Variants in MTMR2 observed in about 807,000 individuals in gnomAD.
MTMR2 encodes the protein phosphatidylinositol-3,5-bisphosphate 3-phosphatase MTMR2.
MTMR2 carries 55 observed loss-of-function variants against 86.9 expected under a neutral mutation model. The ratio of observed to expected loss-of-function variants is 0.63; its 90% CI spans 0.51 to 0.79. The LOEUF (loss-of-function observed/expected upper bound fraction) is 0.79, where lower values mean the gene tolerates loss of function less well. Ranked by LOEUF, MTMR2 falls within the 30% of genes least tolerant of loss-of-function variation. MTMR2 has a pLI of 0.00. For missense variants in MTMR2, 659 were observed against 772.3 expected, an observed-to-expected ratio of 0.85 and a Z score of 1.74; for synonymous variants, 241 against 266.8, an observed-to-expected ratio of 0.90 and a Z score of 0.94.
intron 5 of MTMR2, among the ~76,000 whole-genome samples, chr11:95,859,237 T>A (rs1398438784): frequency 6.6e-6 from 1 of 152,212 alleles, no homozygotes; most frequent in Non-Finnish European, 1.5e-5. Flanking sequence ...TTCCACCATC[T>A]ACTGACACAT....
intron 7 of MTMR2, among the ~76,000 whole-genome samples, chr11:95,852,217 T>C (rs1864048074): frequency 6.6e-6 from 1 of 152,198 alleles, no homozygotes; most frequent in South Asian, 2.1e-4. Flanking sequence ...TTAACTTCAT[T>C]TCATAGATAA....
intron 12 of MTMR2, among the ~76,000 whole-genome samples, chr11:95,839,446 T>G (rs1022196529): frequency 9.2e-5 from 14 of 152,132 alleles, no homozygotes; most frequent in African/African-American, 3.1e-4. Context: ...AGCCTGCGAT[T>G]AGTTTTTCAT....
chr11:95,914,517 T>C (rs1425431163), intron 1 of MTMR2, among the ~76,000 whole-genome samples: 1 of 151,980 alleles, frequency 6.6e-6, no homozygotes, highest in Non-Finnish European at 1.5e-5. Flanking sequence ...CTCTTAATCA[T>C]CAGGTAATGA....
chr11:95,876,271 C>T lies in MTMR2; in HGVS notation c.187-10595G>A, dbSNP rs141249239. On this transcript the variant is annotated intron_variant, in intron 2 of 14. Coordinates refer to ENST00000346299, the MANE Select transcript of MTMR2 (RefSeq NM_016156.6). ...ACCCAGTTTGAGCTTCCGAACCTAT[C>T]TTCTTAAAATGGTGGTTGGGAACCA... Among the ~76,000 whole-genome samples, 25 of 152,236 alleles carry T rather than the reference C, an allele frequency of 1.6e-4. No homozygotes were observed. The East Asian group carries it at 4.8e-3, about 29-fold the overall frequency.
chr11:95,847,714 C>G lies in MTMR2; in HGVS notation c.1179G>C (p.Lys393Asn), dbSNP rs527341607. ...TTGGGATATAGTAACACACACCCAC[C>G]TTAATATGTTCTAGCCAATGAGTAG... ...LESTHWLEHI[K>N]LILAGALRIA... is the part of the protein sequence containing the mutation. The change falls in exon 10 of 15, where the codon AAG (lysine) becomes AAC (asparagine). Residue 393 changes from lysine (K) to asparagine (N), a missense_variant and splice_region_variant. Coordinates refer to ENST00000346299, the MANE Select transcript of MTMR2 (RefSeq NM_016156.6). 1 of 1,610,858 alleles carries G rather than the reference C, an allele frequency of 6.2e-7. No homozygotes were observed. The highest frequency in any genetic ancestry group is 1.1e-5 in the South Asian group (1 of 91,024).
Position 95,877,331 on chromosome 11 carries a change from C to CTTTTTTTTTTTTTTTTTTTTTTTT in MTMR2, c.186+10824_186+10825insAAAAAAAAAAAAAAAAAAAAAAAA, listed in dbSNP as rs1565368414. 1.1e-4 allele frequency among the ~76,000 whole-genome samples: 10 copies of CTTTTTTTTTTTTTTTTTTTTTTTT among 94,718 alleles called. 4 individuals are homozygous for CTTTTTTTTTTTTTTTTTTTTTTTT. The highest frequency in any genetic ancestry group is 3.5e-4 in the African/African-American group (7 of 20,154). The allele number at this position is 94,718 out of a possible 152,430, so 62.1% of individuals were successfully genotyped here. ...CATTCAAGATCAAGCACAGGGAAGC[C>CTTTTTTTTTTTTTTTTTTTTTTTT]CTTTTTTTTTTTTTTTTTTTTTTTT... On this transcript the variant is annotated intron_variant, in intron 2 of 14. Transcript: ENST00000346299.
At chr11:95,920,311 T>C (rs963722232) in intron 1 of MTMR2, among the ~76,000 whole-genome samples, 15 of 152,084 alleles carry the variant, frequency 9.9e-5, no homozygotes, top group African/African-American at 3.6e-4. Flanking sequence ...ACTATTGTTT[T>C]TTTTGTTTTT....
chr11:95,868,598 AT>A (rs1743215257), intron 2 of MTMR2, among the ~76,000 whole-genome samples: 1 of 152,046 alleles, frequency 6.6e-6, no homozygotes, highest in Non-Finnish European at 1.5e-5. Flanking sequence ...GAAAAAAAAA[AT>A]AATCAAGAGG....
chr11:95,836,518 C>A lies in MTMR2; in HGVS notation c.1594-194G>T, dbSNP rs575269831. ...CAGTATGCAGTTCCTCAAAGAGATA[C>A]CATATGACCCAACAATTCCACTCTT... On this transcript the variant is annotated intron_variant, in intron 13 of 14. Coordinates refer to ENST00000346299, the MANE Select transcript of MTMR2 (RefSeq NM_016156.6). Among the ~76,000 whole-genome samples, 18 of 152,034 alleles carry A rather than the reference C, an allele frequency of 1.2e-4. No homozygotes were observed. The East Asian group carries it at 2.7e-3, about 23-fold the overall frequency.
chr11:95,851,893 C>T (rs1207639499), intron 7 of MTMR2, among the ~76,000 whole-genome samples: 1 of 152,132 alleles, frequency 6.6e-6, no homozygotes, highest in Non-Finnish European at 1.5e-5. Flanking sequence ...TTTTAAAAAA[C>T]ATATCAACTA....
intron 12 of MTMR2, among the ~76,000 whole-genome samples, chr11:95,841,288 C>T (rs761767341): frequency 6.6e-5 from 10 of 151,812 alleles, no homozygotes; most frequent in South Asian, 4.1e-4. Context: ...ATTTTGCTTG[C>T]GGTACCTAGC....
At position 95,848,140 on chromosome 11, in the gene MTMR2, A is replaced by G. The variant is rs542536414; in HGVS notation, c.994-241T>C. 1.8e-4 allele frequency among the ~76,000 whole-genome samples: 28 copies of G among 152,316 alleles called. 2 individuals are homozygous for G. The South Asian group carries it at 5.2e-3, about 28-fold the overall frequency. ...CCCATATGGCCATTATTAAAATTAA[A>G]TATGAAACACATAGGAAGGTATTTA... On this transcript the variant is annotated intron_variant, in intron 9 of 14. Coordinates refer to ENST00000346299, the MANE Select transcript of MTMR2 (RefSeq NM_016156.6).
intron 2 of MTMR2, among the ~76,000 whole-genome samples, chr11:95,876,242 C>A (rs1591013029): frequency 6.6e-6 from 1 of 152,172 alleles, no homozygotes; most frequent in Non-Finnish European, 1.5e-5. Flanking sequence ...CTGCGGTGGG[C>A]TCCACCCAGT....
At chr11:95,880,828 A>AC (rs1249071265) in intron 2 of MTMR2, among the ~76,000 whole-genome samples, 10 of 152,100 alleles carry the variant, frequency 6.6e-5, no homozygotes, top group African/African-American at 2.4e-4. Context: ...TTTGGGTACT[A>AC]ATCTTTTATC....
intron 6 of MTMR2, 89 bp from the exon 7 acceptor site, chr11:95,857,724 T>C (rs1864263879): frequency 1.2e-6 from 1 of 804,402 alleles, no homozygotes; most frequent in Admixed American, 2.0e-5. Flanking sequence ...AAAGTTTTCA[T>C]TTATTTATCT....
Position 95,835,063 on chromosome 11 carries a change from G to GGATACTTAAAAGATTA in MTMR2, c.*211_*226dup, listed in dbSNP as rs1280987525. ...GGATTGAAGTATTTTAATATTCTTTGGATACTTAAAAGATTAGTATCATAA... is the reference window on the plus strand; with the variant it reads ...GGATTGAAGTATTTTAATATTCTTTGGATACTTAAAAGATTAGATACTTAAAAGATTAGTATCATAA... On this transcript the variant is annotated 3_prime_UTR_variant, in exon 15 of 15. Transcript: ENST00000346299. 5.6e-6 allele frequency: 3 copies of GGATACTTAAAAGATTA among 536,372 alleles called. No individual in the cohort carries two copies. The African/African-American group carries it at 5.7e-5, about 10-fold the overall frequency. 33.2% of individuals were successfully genotyped at this position (536,372 alleles called of 1,614,324 possible).
intron 2 of MTMR2, among the ~76,000 whole-genome samples, chr11:95,873,086 TTG>T (rs1488344054): frequency 6.6e-6 from 1 of 152,194 alleles, no homozygotes; most frequent in Non-Finnish European, 1.5e-5. Flanking sequence ...TCTTTTTTTG[TTG>T]TGTCTCTGCC....
At chr11:95,857,917 G>T (rs190736825) in intron 6 of MTMR2, among the ~76,000 whole-genome samples, 6 of 152,104 alleles carry the variant, frequency 3.9e-5, no homozygotes, top group Admixed American at 3.9e-4. Context: ...GCCTTTGTAG[G>T]TTTACTTTCA....
rs1863277955 is a variant in MTMR2 at position 95,836,267 on chromosome 11, A to G, written c.1651T>C (p.Phe551Leu). The G allele has an allele frequency of 1.2e-6, 2 of 1,613,076 alleles. No homozygotes were observed. Among genetic ancestry groups the G allele is most frequent in the African/African-American group, 1.3e-5 (1 of 74,968 alleles). Reference protein sequence around the residue: ...WSYINSQLEDFTNPLYGSYSN... With the variant: ...WSYINSQLEDLTNPLYGSYSN... Reference sequence around the variant, plus strand: ...TAGCTCCCATAGAGAGGATTAGTGAAGTCTTCCAGCTGGCTGTTTATGTAA... The same window carrying G: ...TAGCTCCCATAGAGAGGATTAGTGAGGTCTTCCAGCTGGCTGTTTATGTAA... Residue 551 changes from phenylalanine to leucine, a missense_variant, in exon 14 of 15, where the codon TTC becomes CTC. Physicochemically the swap from Phe to Leu is conservative, Grantham distance 22. Coordinates refer to ENST00000346299, the MANE Select transcript of MTMR2 (RefSeq NM_016156.6).
Sources: allele counts gnomAD v4.1 joint callset (sites outside exome capture counted in the v4.1 genomes callset), GRCh38; gene constraint gnomAD v4.1.1; transcripts MANE v1.5; gene names NCBI Gene and HGNC (gene_info 2026-07-23, HGNC 2026-07-21).